Variants in MYO5C observed in about 807,000 individuals in gnomAD.
MYO5C encodes unconventional myosin-Vc.
Under a neutral mutation model 235.7 loss-of-function variants are expected in MYO5C, and 194 were observed. The ratio of observed to expected loss-of-function variants is 0.82; its 90% CI spans 0.73 to 0.93. The LOEUF (loss-of-function observed/expected upper bound fraction) is 0.93. MYO5C is among the 40% of genes least tolerant of loss of function. The probability of loss-of-function intolerance (pLI) is 0.00; values close to 1 mark genes in which losing one functional copy is unlikely to be tolerated. For synonymous variants in MYO5C, 707 were observed against 754.8 expected, an observed-to-expected ratio of 0.94 and a Z score of 1.04; for missense variants, 2,038 against 2,127.2, an observed-to-expected ratio of 0.96 and a Z score of 0.82.
At position 52,278,744 on chromosome 15, in the gene MYO5C, A is replaced by C. The variant is rs2037101745; in HGVS notation, c.449+129T>G. The C allele has an allele frequency of 4.4e-6, 5 of 1,137,630 alleles. No homozygotes were observed. In the East Asian group the frequency reaches 1.2e-4, roughly 27 times the overall value. 70.5% of individuals were successfully genotyped at this position (1,137,630 alleles called of 1,614,324 possible). On this transcript the variant is annotated intron_variant, in intron 4 of 40. Transcript: ENST00000261839. ...CTATTCATTCCAGGTAGTCGGCTCAACAAAGCACCACCTCTGGCCTATCTC... is the reference window on the plus strand; with the variant it reads ...CTATTCATTCCAGGTAGTCGGCTCACCAAAGCACCACCTCTGGCCTATCTC...
In MYO5C at chr15:52,278,004, G is replaced by C. The variant is rs545878114; in HGVS notation, c.449+869C>G. Reference sequence around the variant, plus strand: ...TTTAGGTAAAGAGTCAGCAGGTCCAGGTCCTGTGCCTCAGATTTCCCATCT... The same window carrying C: ...TTTAGGTAAAGAGTCAGCAGGTCCACGTCCTGTGCCTCAGATTTCCCATCT... On this transcript the variant is annotated intron_variant, in intron 4 of 40. Coordinates refer to ENST00000261839, the MANE Select transcript of MYO5C (RefSeq NM_018728.4). 96 of 454,442 alleles carry C rather than the reference G, an allele frequency of 2.1e-4. 1 individual carries two copies. Among genetic ancestry groups the C allele is most frequent in the Non-Finnish European group, 3.7e-4 (84 of 225,866 alleles). The allele number at this position is 454,442 out of a possible 1,614,324, so 28.2% of individuals were successfully genotyped here. A position where few individuals can be genotyped will look rare whatever the true frequency, so the allele number is the denominator to read the frequency against.
intron 24 of MYO5C, among the ~76,000 whole-genome samples, chr15:52,231,108 G>A (rs888403223): frequency 3.3e-5 from 5 of 152,214 alleles, no homozygotes; most frequent in African/African-American, 9.7e-5. Context: ...GATTACAGGT[G>A]TGAGCCAGTA....
At chr15:52,286,247 C>T (rs1160100814) in intron 1 of MYO5C, among the ~76,000 whole-genome samples, 6 of 151,460 alleles carry the variant, frequency 4.0e-5, no homozygotes, top group Admixed American at 2.6e-4. Flanking sequence ...GCCAGGCCAG[C>T]CGCCTCGTCT....
At chr15:52,240,942 G>T (rs2036206274) in intron 20 of MYO5C, among the ~76,000 whole-genome samples, 1 of 152,120 alleles carries the variant, frequency 6.6e-6, no homozygotes, top group Non-Finnish European at 1.5e-5. Flanking sequence ...CTCACAGGAT[G>T]GATCAGGCAC....
At chr15:52,256,526 T>G (rs748997546) in intron 11 of MYO5C, 113 bp downstream of exon 11, 96 of 728,066 alleles carry the variant, frequency 1.3e-4, no homozygotes, top group Non-Finnish European at 2.1e-4. Context: ...GCATAAAAAT[T>G]TGCAACCTCA....
At chr15:52,209,428 G>A (rs545632441) in intron 35 of MYO5C, among the ~76,000 whole-genome samples, 1 of 152,262 alleles carries the variant, frequency 6.6e-6, no homozygotes, top group Non-Finnish European at 1.5e-5. Flanking sequence ...TTGGCAGTCC[G>A]GGGTGGAGGG....
At chr15:52,233,525 T>C (rs111454600) in intron 23 of MYO5C, among the ~76,000 whole-genome samples, 7 of 152,204 alleles carry the variant, frequency 4.6e-5, no homozygotes, top group African/African-American at 1.7e-4. Flanking sequence ...CCAAATTGTT[T>C]CCAGACATTG....
intron 12 of MYO5C, among the ~76,000 whole-genome samples, chr15:52,252,157 T>C (rs1473954486): frequency 6.6e-6 from 1 of 152,150 alleles, no homozygotes; most frequent in Non-Finnish European, 1.5e-5. Context: ...GGTCACACAA[T>C]GACTTTAGAA....
At position 52,295,687 on chromosome 15, in the gene MYO5C, G is replaced by A; in HGVS notation, c.-51C>T. 2 of 1,290,624 alleles carry A rather than the reference G, an allele frequency of 1.5e-6. No homozygotes were observed. Among genetic ancestry groups the A allele is most frequent in the East Asian group, 3.1e-5 (1 of 32,090 alleles). The allele number at this position is 1,290,624 out of a possible 1,614,324, so 79.9% of individuals were successfully genotyped here. On this transcript the variant is annotated 5_prime_UTR_variant, in exon 1 of 41. Transcript: ENST00000261839. ...GGGGCTGCCGAACGTGCGAGGCTCG[G>A]GGGCTGGGCCTGCGCCGCAGAGGCC...
At chr15:52,200,661 C>T (rs554283497) in intron 38 of MYO5C, among the ~76,000 whole-genome samples, 1 of 151,936 alleles carries the variant, frequency 6.6e-6, no homozygotes, top group South Asian at 2.1e-4. Context: ...ATATGAAGAA[C>T]CAGAAAGATC....
intron 22 of MYO5C, 103 bp from the exon 23 acceptor site, chr15:52,235,866 AT>A (rs2036071092): frequency 1.4e-6 from 1 of 711,552 alleles, no homozygotes; most frequent in African/African-American, 1.8e-5. Context: ...AAATTAGTTT[AT>A]TTTTTCTCAG....
chr15:52,270,825 G>A (rs2036908337), intron 7 of MYO5C, among the ~76,000 whole-genome samples: 1 of 152,006 alleles, frequency 6.6e-6, no homozygotes. Flanking sequence ...GTGAAATCTG[G>A]AGAAACTTAG....
At chr15:52,236,724 T>C (rs888985714) in intron 22 of MYO5C, 6 of 152,104 alleles carry the variant, frequency 3.9e-5, no homozygotes, top group African/African-American at 1.4e-4. Context: ...ATAATAAAGA[T>C]CACCTTCTTA....
chr15:52,201,158 T>A (rs904755131), intron 38 of MYO5C, among the ~76,000 whole-genome samples: 6 of 152,128 alleles, frequency 3.9e-5, no homozygotes, highest in African/African-American at 1.4e-4. Flanking sequence ...TGTACCAAAT[T>A]TGGTGAATGG....
intron 8 of MYO5C, chr15:52,265,199 C>CGTGAGGG (rs1309732610): frequency 3.9e-5 from 6 of 152,250 alleles, no homozygotes; most frequent in African/African-American, 1.4e-4. Flanking sequence ...ATTCAGTCAC[C>CGTGAGGG]GTGAGGGGAT....
chr15:52,201,712 A>G (rs2035191118), intron 38 of MYO5C, among the ~76,000 whole-genome samples: 2 of 152,144 alleles, frequency 1.3e-5, no homozygotes, highest in Non-Finnish European at 2.9e-5. Context: ...ATAATATTGT[A>G]TGGTACAGTT....
chr15:52,244,538 G>T lies in MYO5C; in HGVS notation c.2208C>A (p.Thr736=). Residue 736 remains threonine (T), a synonymous_variant, in exon 19 of 41, where the codon ACC becomes ACA. Transcript: ENST00000261839. ...QDSNQYQFGK[T]KIFFRAGQVA... ...CTTGTCCTGCTCTGAAGAAAATTTT[G>T]GTTTTACCAAACTGGTACTGATTAG... 6.2e-7 allele frequency: 1 copy of T among 1,613,510 alleles called. No individual in the cohort carries two copies. Among genetic ancestry groups the T allele is most frequent in the South Asian group, 1.1e-5 (1 of 91,002 alleles).
chr15:52,216,310 G>A (rs1596148255), intron 32 of MYO5C, among the ~76,000 whole-genome samples: 1 of 152,230 alleles, frequency 6.6e-6, no homozygotes, highest in African/African-American at 2.4e-5. Context: ...AATCTCCTGG[G>A]CTCAAGCAGT....
chr15:52,286,506 A>C (rs2037276861), intron 1 of MYO5C, among the ~76,000 whole-genome samples: 1 of 152,186 alleles, frequency 6.6e-6, no homozygotes, highest in Non-Finnish European at 1.5e-5. Flanking sequence ...AAAGGGGGGA[A>C]AGGTGGGGAA....
Sources: gnomAD v4.1 joint callset for allele counts (sites outside exome capture counted in the v4.1 genomes callset) on GRCh38, gnomAD v4.1.1 for gene constraint, MANE v1.5 for transcripts, NCBI Gene and HGNC (gene_info 2026-07-23, HGNC 2026-07-21) for gene names.